Variants in P4HA1 observed in about 807,000 individuals in gnomAD.
P4HA1 encodes the protein prolyl 4-hydroxylase subunit alpha-1.
P4HA1 carries 24 observed loss-of-function variants against 72.8 expected under a neutral mutation model. That is an observed-to-expected ratio of 0.33 (90% CI 0.24 to 0.46). The LOEUF (loss-of-function observed/expected upper bound fraction) is 0.46, where lower values mean the gene tolerates loss of function less well. Ranked by LOEUF, P4HA1 falls within the 20% of genes least tolerant of loss-of-function variation. The probability of loss-of-function intolerance (pLI) is 1.00; values close to 1 mark genes in which losing one functional copy is unlikely to be tolerated. For missense variants in P4HA1, 446 were observed against 640.6 expected, an observed-to-expected ratio of 0.70 and a Z score of 3.28; for synonymous variants, 201 against 218.8, an observed-to-expected ratio of 0.92 and a Z score of 0.72.
chr10:73,037,203 A>G (rs527513422), intron 9 of P4HA1, among the ~76,000 whole-genome samples: 2 of 151,954 alleles, frequency 1.3e-5, no homozygotes, highest in South Asian at 4.2e-4. Flanking sequence ...AAATAGCCCA[A>G]AGTATGTTCC....
At chr10:73,029,321 GAATC>G (rs1175430642) in intron 10 of P4HA1, among the ~76,000 whole-genome samples, 1 of 149,312 alleles carries the variant, frequency 6.7e-6, no homozygotes, top group Non-Finnish European at 1.5e-5. Flanking sequence ...TGAGGCAGGA[GAATC>G]GCTTGAACCA....
chr10:73,016,944 T>G, intron 10 of P4HA1, 45 bp from the exon 11 acceptor site: 1 of 1,490,608 alleles, frequency 6.7e-7, no homozygotes, highest in Non-Finnish European at 9.2e-7. Context: ...CTATAAAGAT[T>G]ACTATTCAAA....
intron 5 of P4HA1, among the ~76,000 whole-genome samples, chr10:73,057,974 C>T (rs1841192084): frequency 6.6e-6 from 1 of 151,180 alleles, no homozygotes; most frequent in African/African-American, 2.4e-5. Context: ...GCCTGTAATT[C>T]CAACTACTGG....
chr10:73,067,923 C>T (rs1427461059), intron 5 of P4HA1, among the ~76,000 whole-genome samples: 1 of 152,050 alleles, frequency 6.6e-6, no homozygotes, highest in African/African-American at 2.4e-5. Context: ...GTCCCCAGTA[C>T]CTAACATAAT....
intron 5 of P4HA1, among the ~76,000 whole-genome samples, chr10:73,068,174 G>T (rs1016099674): frequency 6.6e-6 from 1 of 152,160 alleles, no homozygotes; most frequent in Non-Finnish European, 1.5e-5. Context: ...AATAAAGGGA[G>T]ATGAGCAAGA....
chr10:73,048,925 G>A (rs1259223201), intron 7 of P4HA1, among the ~76,000 whole-genome samples: 3 of 152,124 alleles, frequency 2.0e-5, no homozygotes, highest in Non-Finnish European at 4.4e-5. Context: ...ACGAGGTCAG[G>A]AGATCAAGAC....
chr10:73,009,601 A>C, intron 14 of P4HA1: 1 of 482,114 alleles, frequency 2.1e-6, no homozygotes. Context: ...TTCTTGGAAT[A>C]AGTAAAAATA....
At chr10:73,066,999 C>CTAGG (rs1156667717) in intron 5 of P4HA1, among the ~76,000 whole-genome samples, 1 of 152,138 alleles carries the variant, frequency 6.6e-6, no homozygotes, top group Non-Finnish European at 1.5e-5. Flanking sequence ...TCCCAAATAG[C>CTAGG]TAGGACTACA....
chr10:73,022,773 GAACA>G, intron 10 of P4HA1, among the ~76,000 whole-genome samples: 1 of 152,296 alleles, frequency 6.6e-6, no homozygotes, highest in East Asian at 1.9e-4. Context: ...TGGCTAACTA[GAACA>G]AACAGTGTAG....
chr10:73,017,342 C>T (rs987843881), intron 10 of P4HA1, among the ~76,000 whole-genome samples: 3 of 151,710 alleles, frequency 2.0e-5, no homozygotes, highest in Non-Finnish European at 2.9e-5. Context: ...TACCCCTCCC[C>T]ACCCCCCACC....
intron 10 of P4HA1, among the ~76,000 whole-genome samples, chr10:73,029,544 A>C (rs985818360): frequency 6.6e-6 from 1 of 152,124 alleles, no homozygotes; most frequent in African/African-American, 2.4e-5. Context: ...TATTTTAAAA[A>C]GTATTTTTCT....
chr10:73,086,934 A>C (rs1308226445), intron 1 of P4HA1, among the ~76,000 whole-genome samples: 1 of 100,666 alleles, frequency 9.9e-6, no homozygotes. Flanking sequence ...AGTGCATCTC[A>C]AAAAAAAAAA....
At chr10:73,089,706 G>A (rs61865787) in intron 1 of P4HA1, among the ~76,000 whole-genome samples, 4 of 136,768 alleles carry the variant, frequency 2.9e-5, no homozygotes, top group South Asian at 4.9e-4. Context: ...GAGATTCCCC[G>A]TGCTAAAAAA....
In P4HA1 at chr10:73,046,906, GA is replaced by G. The variant is rs1417510181; in HGVS notation, c.1077+18del. ...AAAGGTACAGTAAATTGAGGAGAAA[GA>G]AAGAAAACATTATTTACCCTTGGTT... is the stretch of plus-strand genomic sequence containing the variant. On this transcript the variant is annotated intron_variant, in intron 8 of 14. Transcript: ENST00000394890. 6.5e-7 allele frequency: 1 copy of G among 1,549,666 alleles called. No individual in the cohort carries two copies. Among genetic ancestry groups the G allele is most frequent in the East Asian group, 2.3e-5 (1 of 44,364 alleles).
intron 5 of P4HA1, among the ~76,000 whole-genome samples, chr10:73,066,938 C>T (rs1190857126): frequency 1.3e-5 from 2 of 152,160 alleles, no homozygotes; most frequent in Non-Finnish European, 2.9e-5. Context: ...AAATAACTTA[C>T]CCAGTCTTGG....
At chr10:73,048,492 T>G (rs1840929821) in intron 7 of P4HA1, among the ~76,000 whole-genome samples, 1 of 152,160 alleles carries the variant, frequency 6.6e-6, no homozygotes, top group Non-Finnish European at 1.5e-5. Context: ...CTTGAACTCC[T>G]GACCTCAGGT....
At chr10:73,009,408 C>A (rs1454444472) in intron 14 of P4HA1, among the ~76,000 whole-genome samples, 4 of 152,172 alleles carry the variant, frequency 2.6e-5, no homozygotes, top group Non-Finnish European at 5.9e-5. Context: ...GCTGTTCTAT[C>A]TTCAGGACCA....
chr10:73,010,263 C>T lies in P4HA1; in HGVS notation c.1438-360G>A, dbSNP rs927913720. On this transcript the variant is annotated intron_variant, in intron 13 of 14. Coordinates refer to ENST00000394890, the MANE Select transcript of P4HA1 (RefSeq NM_001017962.3). ...GATTACAGACGTGAGCCACCGTGCC[C>T]GGCCGTTTTCAGCAGTAATTTTCCC... Among the ~76,000 whole-genome samples the T allele has an allele frequency of 5.9e-5, 9 of 152,172 alleles. No homozygotes were observed. In the East Asian group the frequency reaches 7.7e-4, roughly 13 times the overall value.
In P4HA1 at chr10:73,046,971, A is replaced by G; in HGVS notation, c.1031T>C (p.Ile344Thr). The G allele has an allele frequency of 6.2e-7, 1 of 1,613,290 alleles. No individual in the cohort carries two copies. The highest frequency in any genetic ancestry group is 8.5e-7 in the Non-Finnish European group (1 of 1,179,448). ...GACGATTTCAATTTCTGCATCAGAAATAATATCATGGAAGCGAATAATACG... is the reference window on the plus strand; with the variant it reads ...GACGATTTCAATTTCTGCATCAGAAGTAATATCATGGAAGCGAATAATACG... ...KPRIIRFHDIISDAEIEIVKD... is the reference protein window; with the variant it reads ...KPRIIRFHDITSDAEIEIVKD... Residue 344 changes from isoleucine (I) to threonine (T), a missense_variant, in exon 8 of 15, where the codon ATT (isoleucine) becomes ACT (threonine). Ile to Thr is a moderately conservative substitution (Grantham distance 89). Coordinates refer to ENST00000394890, the MANE Select transcript of P4HA1 (RefSeq NM_001017962.3).
Sources: gnomAD v4.1 joint callset for allele counts (sites outside exome capture counted in the v4.1 genomes callset) on GRCh38, gnomAD v4.1.1 for gene constraint, MANE v1.5 for transcripts, NCBI Gene and HGNC (gene_info 2026-07-23, HGNC 2026-07-21) for gene names.